Variants in SGCA observed in about 807,000 individuals in gnomAD.
SGCA encodes alpha-sarcoglycan.
In SGCA, 34 loss-of-function variants were observed where a neutral mutation model predicts 38.1. The observed-to-expected ratio is 0.89, with a 90% CI of 0.68 to 1.19. The LOEUF (loss-of-function observed/expected upper bound fraction) is 1.19. Ranked by LOEUF, SGCA falls within the 50% of genes most tolerant of loss-of-function variation. SGCA has a pLI of 0.00. For missense variants in SGCA, 476 were observed against 524.9 expected (o/e 0.91, Z 0.91); for synonymous variants, 209 against 214.6 (o/e 0.97, Z 0.23).
rs1555569104 is a variant in SGCA at position 50,169,445 on chromosome 17, A to ACC, written c.747+194_747+195dup. Reference sequence around the variant, plus strand: ...CACACACACACACACACACACACACACCCCTGAAGTTCTACCTTTCCCCCA... The same window carrying ACC: ...CACACACACACACACACACACACACACCCCCCTGAAGTTCTACCTTTCCCCCA... On this transcript the variant is annotated intron_variant, in intron 6 of 9. Coordinates refer to ENST00000262018, the MANE Select transcript of SGCA (RefSeq NM_000023.4). 5.4e-4 allele frequency: 310 copies of ACC among 574,582 alleles called. 1 individual carries two copies. Among genetic ancestry groups the ACC allele is most frequent in the African/African-American group, 3.7e-3 (193 of 52,142 alleles). 35.6% of individuals were successfully genotyped at this position (574,582 alleles called of 1,614,324 possible).
chr17:50,168,113 G>C (rs1312339382), intron 4 of SGCA, 94 bp downstream of exon 4: 1 of 1,202,840 alleles, frequency 8.3e-7, no homozygotes, highest in African/African-American at 1.5e-5. Flanking sequence ...GAGAGGCTTG[G>C]AGAGGAGTGG....
At chr17:50,174,113 G>A (rs992355283) in intron 8 of SGCA, among the ~76,000 whole-genome samples, 4 of 152,122 alleles carry the variant, frequency 2.6e-5, no homozygotes, top group African/African-American at 7.2e-5. Flanking sequence ...GAGGCCAGGA[G>A]TTCAAGACCA....
chr17:50,172,896 T>A (rs992374102), intron 8 of SGCA, among the ~76,000 whole-genome samples: 4 of 152,262 alleles, frequency 2.6e-5, no homozygotes, highest in African/African-American at 9.6e-5. Flanking sequence ...TTTTCAATTT[T>A]ATAGAATTTT....
intron 4 of SGCA, 78 bp from the exon 5 acceptor site, chr17:50,168,295 TG>T: frequency 1.6e-6 from 2 of 1,261,780 alleles, no homozygotes; most frequent in Non-Finnish European, 2.2e-6. Flanking sequence ...TGCAGGGATG[TG>T]GGGAGGAGCT....
rs200945974 is a variant in SGCA at position 50,168,563 on chromosome 17, G to A, written c.575G>A (p.Arg192Gln). 68 of 1,565,260 alleles carry A rather than the reference G, an allele frequency of 4.3e-5. 1 individual carries two copies. In the East Asian group the frequency reaches 6.4e-4, roughly 15 times the overall value. Residue 192 changes from arginine to glutamine, a missense_variant, in exon 5 of 10, where the codon CGA becomes CAA. Physicochemically the swap from Arg to Gln is conservative, Grantham distance 43. Coordinates refer to ENST00000262018, the MANE Select transcript of SGCA (RefSeq NM_000023.4). ...GGRVPLPIEG[R>Q]KEGVYIKVGS... ...CGTGTCCCCCTTCCCATTGAGGGCC[G>A]AAAAGAAGGGTAGGTGTGCAACCCT...
chr17:50,169,272 G>C lies in SGCA; in HGVS notation c.747+18G>C. The C allele has an allele frequency of 6.2e-7, 1 of 1,601,966 alleles. No homozygotes were observed. The highest frequency in any genetic ancestry group is 2.2e-5 in the East Asian group (1 of 44,656). The stretch of plus-strand genomic sequence containing the variant: ...TGACCCTGGTGAGGAGGGACCCTGG[G>C]TCCGGGGGTGGGGTGGGGCATGGCC... On this transcript the variant is annotated intron_variant, in intron 6 of 9. Coordinates refer to ENST00000262018, the MANE Select transcript of SGCA (RefSeq NM_000023.4).
At chr17:50,173,828 C>T (rs562840918) in intron 8 of SGCA, among the ~76,000 whole-genome samples, 4 of 152,350 alleles carry the variant, frequency 2.6e-5, no homozygotes, top group Non-Finnish European at 4.4e-5. Context: ...CTGGCCTCCC[C>T]GCAGGAGGAG....
At chr17:50,168,713 C>T (rs1905138623) in intron 5 of SGCA, 141 bp downstream of exon 5, 1 of 774,402 alleles carries the variant, frequency 1.3e-6, no homozygotes, top group African/African-American at 1.7e-5. Flanking sequence ...TCACCACTCT[C>T]CTCTGGCTAT....
Position 50,166,022 on chromosome 17 carries a change from C to A in SGCA, c.-19C>A. ...CCCCCTGTCTCTGTCACTCACCGGG[C>A]GGGCCAGGCCGGGCAGCCATGGCTG... is the stretch of plus-strand genomic sequence containing the variant. On this transcript the variant is annotated 5_prime_UTR_variant, in exon 1 of 10. Transcript: ENST00000262018. The A allele has an allele frequency of 6.2e-7, 1 of 1,610,036 alleles. No homozygotes were observed. Among genetic ancestry groups the A allele is most frequent in the Non-Finnish European group, 8.5e-7 (1 of 1,176,620 alleles).
intron 8 of SGCA, chr17:50,172,346 G>A (rs745811350): frequency 3.3e-5 from 15 of 449,026 alleles, no homozygotes; most frequent in African/African-American, 1.2e-4. Context: ...GGGGTGGACC[G>A]GAGATGCCAG....
chr17:50,173,285 G>A (rs763094851), intron 8 of SGCA, among the ~76,000 whole-genome samples: 3 of 152,126 alleles, frequency 2.0e-5, no homozygotes, highest in Admixed American at 6.5e-5. Flanking sequence ...AGATTTCAGC[G>A]GTCACAGAGT....
intron 7 of SGCA, 134 bp downstream of exon 7, chr17:50,170,485 C>A (rs1905288165): frequency 3.0e-6 from 4 of 1,331,330 alleles, no homozygotes; most frequent in Non-Finnish European, 4.2e-6. Flanking sequence ...GTGTGGGGCC[C>A]CTTTCTAGGC....
chr17:50,174,568 A>G (rs1905766404), intron 8 of SGCA, among the ~76,000 whole-genome samples: 1 of 151,880 alleles, frequency 6.6e-6, no homozygotes, highest in Admixed American at 6.6e-5. Context: ...GCTGGCCTTG[A>G]ACTCTTGGCC....
rs1327595249 is a variant in SGCA at position 50,167,418 on chromosome 17, C to T, written c.88C>T (p.Pro30Ser). ...CGAGGCCCAGCAGACCACGCTACAC[C>T]CACTTGTGGGCCGTGTCTTTGTGCA... is the stretch of plus-strand genomic sequence containing the variant. ...DTEAQQTTLH[P>S]LVGRVFVHTL... The change falls in exon 2 of 10, where the codon CCA becomes TCA. Residue 30 changes from proline (P) to serine (S), a missense_variant. By Grantham distance (74) the Pro-to-Ser change is moderately conservative (BLOSUM62 -1). Transcript: ENST00000262018. This position sits in a 1 kb window ranked among gnomAD's most constrained non-coding sequence, Gnocchi z 4.5. 1 of 1,614,192 alleles carries T rather than the reference C, an allele frequency of 6.2e-7. No individual in the cohort carries two copies. Among genetic ancestry groups the T allele is most frequent in the Admixed American group, 1.7e-5 (1 of 60,030 alleles).
chr17:50,169,519 G>A (rs930793177), intron 6 of SGCA: 9 of 522,270 alleles, frequency 1.7e-5, no homozygotes, highest in South Asian at 1.2e-4. Flanking sequence ...TCCAACTCCC[G>A]CGCCCCAGAT....
At chr17:50,172,024 T>C (rs1490872413) in intron 8 of SGCA, 1 of 456,290 alleles carries the variant, frequency 2.2e-6, no homozygotes, top group South Asian at 1.5e-5. Flanking sequence ...GCCTTTCTGC[T>C]TCTCTCCCTG....
intron 1 of SGCA, among the ~76,000 whole-genome samples, chr17:50,166,704 A>G (rs1292109890): frequency 2.5e-5 from 3 of 118,916 alleles, no homozygotes; most frequent in African/African-American, 3.3e-5. Context: ...ACACACCCTC[A>G]CGGCACCCTC....
chr17:50,171,672 C>T (rs781345155), intron 8 of SGCA: 22 of 456,686 alleles, frequency 4.8e-5, no homozygotes, highest in South Asian at 3.3e-4. Flanking sequence ...ACTTGGAGGC[C>T]TGCTTCTTGC....
intron 8 of SGCA, chr17:50,171,678 C>T: frequency 2.2e-6 from 1 of 456,808 alleles, no homozygotes; most frequent in South Asian, 1.5e-5. Flanking sequence ...AGGCCTGCTT[C>T]TTGCCCAGGG....
Sources: gnomAD v4.1 joint callset for allele counts (sites outside exome capture counted in the v4.1 genomes callset) on GRCh38, gnomAD v4.1.1 for gene constraint, Gnocchi (gnomAD v3.1) non-coding constraint, MANE v1.5 for transcripts, NCBI Gene and HGNC (gene_info 2026-07-23, HGNC 2026-07-21) for gene names.